USP36: variants seen among roughly 807,000 people sequenced by gnomAD.
The protein encoded by USP36 is ubiquitin specific peptidase 36.
In USP36, 59 loss-of-function variants were observed where a neutral mutation model predicts 111.5. The observed-to-expected ratio is 0.53, with a 90% confidence interval of 0.43 to 0.66. The LOEUF is 0.66. Among genes scored for constraint, USP36 ranks in the 30% least tolerant of loss-of-function variants. The pLI, the probability that USP36 is intolerant of heterozygous loss-of-function variation, is 0.00. For synonymous variants in USP36, 628 were observed against 581.0 expected, an observed-to-expected ratio of 1.08 and a Z score of -1.16; for missense variants, 1,488 against 1,468.0, an observed-to-expected ratio of 1.01 and a Z score of -0.22.
intron 6 of USP36, 40 bp downstream of exon 6, chr17:78,827,205 G>A: frequency 1.4e-6 from 2 of 1,468,562 alleles, no homozygotes; most frequent in South Asian, 1.2e-5. Flanking sequence ...TGTAGAAAAG[G>A]TGTCCAAAGC....
At chr17:78,835,198 G>T in intron 4 of USP36, 82 bp downstream of exon 4, 1 of 1,421,804 alleles carries the variant, frequency 7.0e-7, no homozygotes, top group Non-Finnish European at 9.7e-7. Flanking sequence ...GACCCAGACT[G>T]AGAGCAGCAG....
Position 78,806,191 on chromosome 17 carries a change from G to A in USP36, c.2181C>T (p.Pro727=), listed in dbSNP as rs372776119. 27 of 1,613,320 alleles carry A rather than the reference G, an allele frequency of 1.7e-5. No homozygotes were observed. In the African/African-American group the frequency reaches 2.0e-4, roughly 12 times the overall value. Residue 727 remains proline, a synonymous_variant, in exon 15 of 21, where the codon CCC becomes CCT. Coordinates refer to ENST00000449938, the MANE Select transcript of USP36 (RefSeq NM_001385174.1). Reference sequence around the variant, plus strand: ...GGACGGGCCAAGTGGAGGCAACGACGGGGTGAGAGGTTTTCATGGGGTGGG... The same window carrying A: ...GGACGGGCCAAGTGGAGGCAACGACAGGGTGAGAGGTTTTCATGGGGTGGG... ...DLTHPMKTSH[P]VVASTWPVHR...
downstream of USP36, among the ~76,000 whole-genome samples, chr17:78,790,721 A>T (rs144864410): frequency 6.6e-6 from 1 of 152,286 alleles, no homozygotes; most frequent in Non-Finnish European, 1.5e-5. Context: ...TAAAAAAATC[A>T]CTGGTTTATG....
In USP36 at chr17:78,798,526, C is replaced by G. The variant is rs1381802721; in HGVS notation, c.3266G>C (p.Arg1089Thr). The change falls in exon 20 of 21, where the codon AGA becomes ACA. Residue 1089 changes from arginine (R) to threonine (T), a missense_variant. Arg to Thr is a moderately conservative substitution (Grantham distance 71). Around this residue, in one of 3 missense-constraint regions of USP36, gnomAD observed 1,073 missense variants for 994.1 expected, o/e 1.08. Coordinates refer to ENST00000449938, the MANE Select transcript of USP36 (RefSeq NM_001385174.1). The surrounding 1 kb of genome is among the most constrained non-coding windows in gnomAD (Gnocchi z 5.1). ...GKEKKIKKFK[R>T]EKRRNFNAFQ... ...GGCGTTGAAGTTTCTCCTCTTCTCT[C>G]TCTTAAATTTTTTAATTTTCTTTTC... 6.2e-7 allele frequency: 1 copy of G among 1,614,014 alleles called. No homozygotes were observed. Among genetic ancestry groups the G allele is most frequent in the Non-Finnish European group, 8.5e-7 (1 of 1,180,030 alleles).
intron 5 of USP36, among the ~76,000 whole-genome samples, chr17:78,828,550 C>A (rs1302358701): frequency 6.6e-6 from 1 of 152,182 alleles, no homozygotes; most frequent in African/African-American, 2.4e-5. Flanking sequence ...CCCACTGACC[C>A]CAGCCCACAT....
rs754050981 is a variant in USP36, at chr17:78,828,912, TGAA to T, written c.568_570del (p.Phe190del). The T allele has an allele frequency of 6.2e-7, 1 of 1,614,168 alleles. No homozygotes were observed. The highest frequency in any genetic ancestry group is 1.1e-5 in the South Asian group (1 of 91,082). On this transcript the variant is annotated inframe_deletion, in exon 5 of 21. Coordinates refer to ENST00000449938, the MANE Select transcript of USP36 (RefSeq NM_001385174.1). ...TGATGCTTACTTTTCAGGTCTCGGA[TGAA>T]GGAGACGGGCTTGATGGCGTTGCCG... is the stretch of plus-strand genomic sequence containing the variant.
chr17:78,798,687 C>T lies in USP36; in HGVS notation c.3241-136G>A. On this transcript the variant is annotated intron_variant, in intron 19 of 20. Transcript: ENST00000449938. This position sits in a 1 kb window ranked among gnomAD's most constrained non-coding sequence, Gnocchi z 5.1. ...CTGGAGACCCACTCTTCACAATGAC[C>T]CCTGTGCACGGCGACCTGCAGTCCC... The T allele has an allele frequency of 7.1e-7, 1 of 1,414,192 alleles. No homozygotes were observed. The highest frequency in any genetic ancestry group is 1.3e-5 in the South Asian group (1 of 78,446). The allele number at this position is 1,414,192 out of a possible 1,614,324, so 87.6% of individuals were successfully genotyped here.
intron 11 of USP36, 103 bp downstream of exon 11, chr17:78,814,309 T>A (rs1470384288): frequency 6.1e-6 from 9 of 1,474,118 alleles, no homozygotes; most frequent in Non-Finnish European, 8.2e-6. Flanking sequence ...CCACAAAACA[T>A]CACACTTTTC....
rs373263167 is a variant in USP36 at position 78,828,940 on chromosome 17, G to A, written c.543C>T (p.Ser181=). 2.8e-5 allele frequency: 46 copies of A among 1,614,132 alleles called. No individual in the cohort carries two copies. Among genetic ancestry groups the A allele is most frequent in the Non-Finnish European group, 3.6e-5 (42 of 1,180,036 alleles). ...QNHIVQAFAN[S]GNAIKPVSFI... ...AGGAGACGGGCTTGATGGCGTTGCC[G>A]CTGTTGGCGAAGGCCTGGACAATGT... Residue 181 remains serine (S), a synonymous_variant, in exon 5 of 21, where the codon AGC becomes AGT. Transcript: ENST00000449938.
At position 78,801,609 on chromosome 17, in the gene USP36, G is replaced by A. The variant is rs915834876; in HGVS notation, c.3022+715C>T. 1.3e-5 allele frequency among the ~76,000 whole-genome samples: 2 copies of A among 152,106 alleles called. 1 individual carries two copies. Among genetic ancestry groups the A allele is most frequent in the Non-Finnish European group, 2.9e-5 (2 of 68,030 alleles). On this transcript the variant is annotated intron_variant, in intron 17 of 20. Coordinates refer to ENST00000449938, the MANE Select transcript of USP36 (RefSeq NM_001385174.1). ...CCCTAAAGAAAACAAAACACCCTCC[G>A]ATTGAGGGGTGGTGCCCAAGGACAG...
At chr17:78,799,586 A>C in intron 18 of USP36, 81 bp downstream of exon 18, 1 of 1,288,340 alleles carries the variant, frequency 7.8e-7, no homozygotes. Context: ...CTCACAGTGC[A>C]CCAGGATCCA....
chr17:78,802,009 C>G (rs1431977212), intron 17 of USP36, among the ~76,000 whole-genome samples: 1 of 152,120 alleles, frequency 6.6e-6, no homozygotes, highest in East Asian at 1.9e-4. Flanking sequence ...TCTCCCAGAC[C>G]CTCCCAAGCT....
In USP36 at chr17:78,798,637, C is replaced by A. The variant is rs1393232258; in HGVS notation, c.3241-86G>T. 1.0e-5 allele frequency: 16 copies of A among 1,583,784 alleles called. No homozygotes were observed. Among genetic ancestry groups the A allele is most frequent in the Non-Finnish European group, 1.3e-5 (15 of 1,169,214 alleles). On this transcript the variant is annotated intron_variant, in intron 19 of 20. Coordinates refer to ENST00000449938, the MANE Select transcript of USP36 (RefSeq NM_001385174.1). This position sits in a 1 kb window ranked among gnomAD's most constrained non-coding sequence, Gnocchi z 5.1. ...CTCCATGCTGCATGCAGGTCCTGCA[C>A]ACAGGCCGGGCTCTCATGAGCTCTC...
In USP36 at chr17:78,798,156, C is replaced by T; in HGVS notation, c.*20+244G>A. 1.9e-6 allele frequency: 1 copy of T among 514,848 alleles called. No homozygotes were observed. Among genetic ancestry groups the T allele is most frequent in the Middle Eastern group, 5.2e-4 (1 of 1,924 alleles). The allele number at this position is 514,848 out of a possible 1,614,324, so 31.9% of individuals were successfully genotyped here. ...CACACCCAACACACACTACACACAC[C>T]CCCTTATACACACGCATCCCACACA... On this transcript the variant is annotated intron_variant, in intron 20 of 20. Coordinates refer to ENST00000449938, the MANE Select transcript of USP36 (RefSeq NM_001385174.1). The surrounding 1 kb of genome is among the most constrained non-coding windows in gnomAD (Gnocchi z 5.1).
chr17:78,818,225 C>T (rs990865880), intron 10 of USP36, among the ~76,000 whole-genome samples: 1 of 152,204 alleles, frequency 6.6e-6, no homozygotes. Flanking sequence ...AGTCCCACCG[C>T]CCAGTGCTCA....
intron 3 of USP36, among the ~76,000 whole-genome samples, 177 bp from the exon 4 acceptor site, chr17:78,835,678 A>G: frequency 6.6e-6 from 1 of 152,218 alleles, no homozygotes; most frequent in East Asian, 1.9e-4. Flanking sequence ...GAGTAAACCC[A>G]GCCATCCCAC....
intron 5 of USP36, among the ~76,000 whole-genome samples, chr17:78,828,517 A>G (rs771694545): frequency 6.6e-6 from 1 of 152,118 alleles, no homozygotes; most frequent in Non-Finnish European, 1.5e-5. Flanking sequence ...ACCTGTCCTG[A>G]CCTGCCCCCA....
intron 4 of USP36, 135 bp from the exon 5 acceptor site, chr17:78,829,142 A>G: frequency 1.5e-6 from 1 of 671,122 alleles, no homozygotes; most frequent in Admixed American, 2.9e-5. Context: ...AGAACGGCTG[A>G]GCCAGAGATC....
At chr17:78,800,301 C>T (rs774921364) in intron 17 of USP36, among the ~76,000 whole-genome samples, 3 of 152,130 alleles carry the variant, frequency 2.0e-5, no homozygotes, top group Non-Finnish European at 2.9e-5. Flanking sequence ...GTGGAGGGAA[C>T]GGCCAAGCTT....
Sources: allele counts gnomAD v4.1 joint callset (sites outside exome capture counted in the v4.1 genomes callset), GRCh38; gene constraint gnomAD v4.1.1; regional missense constraint gnomAD v4.1.1; non-coding constraint Gnocchi (gnomAD v3.1); transcripts MANE v1.5; gene names NCBI Gene and HGNC (gene_info 2026-07-23, HGNC 2026-07-21).